Variants in AGBL4 observed in about 807,000 individuals in gnomAD.
The protein encoded by AGBL4 is AGBL carboxypeptidase 4, also known as cytosolic carboxypeptidase 6.
A neutral mutation model predicts 66.4 loss-of-function variants in AGBL4; 58 were observed. The observed-to-expected ratio is 0.87, with a 90% CI of 0.71 to 1.09. AGBL4 has a LOEUF of 1.09. Among genes scored for constraint, AGBL4 ranks in the 50% least tolerant of loss-of-function variants. AGBL4 has a pLI of 0.00. For missense variants in AGBL4, 579 were observed against 631.0 expected (o/e 0.92, Z 0.88); for synonymous variants, 234 against 222.9 (o/e 1.05, Z -0.44).
chr1:49,040,052 C>A (rs916563094), intron 5 of AGBL4, among the ~76,000 whole-genome samples: 1 of 151,910 alleles, frequency 6.6e-6, no homozygotes, highest in African/African-American at 2.4e-5. Flanking sequence ...AAAAGACAGG[C>A]ATGGTTTGGA....
At chr1:48,900,405 T>A (rs998328511) in intron 5 of AGBL4, among the ~76,000 whole-genome samples, 2 of 152,224 alleles carry the variant, frequency 1.3e-5, no homozygotes, top group Non-Finnish European at 2.9e-5. Flanking sequence ...GAAATTCATA[T>A]GAAAATGCAA....
intron 6 of AGBL4, among the ~76,000 whole-genome samples, chr1:48,750,012 G>T (rs1218691633): frequency 2.0e-5 from 3 of 152,194 alleles, no homozygotes. Flanking sequence ...GTGCCTGAGG[G>T]TAGGAGTTAT....
chr1:49,577,661 G>A (rs1380257831), intron 3 of AGBL4, among the ~76,000 whole-genome samples: 3 of 152,206 alleles, frequency 2.0e-5, no homozygotes, highest in Non-Finnish European at 4.4e-5. Flanking sequence ...ATTCCACACA[G>A]CATTGCCTCT....
chr1:49,010,892 A>G (rs1662347594), intron 5 of AGBL4, among the ~76,000 whole-genome samples: 1 of 151,616 alleles, frequency 6.6e-6, no homozygotes, highest in Non-Finnish European at 1.5e-5. Context: ...AGATGGATTA[A>G]AGACTTAAAC....
intron 2 of AGBL4, among the ~76,000 whole-genome samples, chr1:49,817,787 A>T (rs1253687587): frequency 6.6e-6 from 1 of 152,246 alleles, no homozygotes; most frequent in African/African-American, 2.4e-5. Context: ...GCAAGAAAGA[A>T]ATTAATTTGG....
chr1:49,038,698 A>G (rs1232529685), intron 5 of AGBL4, among the ~76,000 whole-genome samples: 1 of 152,094 alleles, frequency 6.6e-6, no homozygotes, highest in Non-Finnish European at 1.5e-5. Context: ...CACTGACAAC[A>G]CTACATGCTG....
chr1:48,570,497 G>A (rs933456225), intron 11 of AGBL4, among the ~76,000 whole-genome samples: 1 of 152,146 alleles, frequency 6.6e-6, no homozygotes, highest in Non-Finnish European at 1.5e-5. Context: ...GCTTGGCTAT[G>A]CCTCATACAA....
intron 11 of AGBL4, among the ~76,000 whole-genome samples, chr1:48,569,722 G>GTT (rs1644529443): frequency 6.6e-6 from 1 of 152,120 alleles, no homozygotes; most frequent in South Asian, 2.1e-4. Context: ...ACAGACCTGG[G>GTT]TTTGCGAATC....
chr1:49,250,440 ATTTTTTT>A (rs1242148895), intron 3 of AGBL4, among the ~76,000 whole-genome samples: 8 of 122,714 alleles, frequency 6.5e-5, no homozygotes, highest in Admixed American at 8.7e-5. Context: ...ACAGGAACTA[ATTTTTTT>A]TTTTTTTTTT....
intron 1 of AGBL4, among the ~76,000 whole-genome samples, chr1:49,969,307 TCCATCA>T (rs1432899699): frequency 5.3e-5 from 8 of 152,118 alleles, no homozygotes; most frequent in African/African-American, 1.9e-4. Context: ...CATAAACATA[TCCATCA>T]CCTCCAAAAG....
At chr1:49,382,704 G>C (rs548882228) in intron 3 of AGBL4, among the ~76,000 whole-genome samples, 6 of 152,186 alleles carry the variant, frequency 3.9e-5, no homozygotes, top group African/African-American at 1.4e-4. Context: ...CATCCAACTT[G>C]TAAAGGAAAA....
intron 2 of AGBL4, among the ~76,000 whole-genome samples, chr1:49,698,351 G>A (rs1647026180): frequency 1.3e-5 from 2 of 152,084 alleles, no homozygotes; most frequent in African/African-American, 4.8e-5. Flanking sequence ...CGTACACAAT[G>A]TATATGAATA....
At chr1:48,800,879 A>G (rs1645790604) in intron 6 of AGBL4, among the ~76,000 whole-genome samples, 1 of 152,052 alleles carries the variant, frequency 6.6e-6, no homozygotes. Flanking sequence ...AAAGCTCCCA[A>G]GAGTTTGTGT....
chr1:48,719,180 C>T (rs1053423284), intron 6 of AGBL4, among the ~76,000 whole-genome samples: 2 of 152,140 alleles, frequency 1.3e-5, no homozygotes, highest in Admixed American at 1.3e-4. Context: ...CCCCCAAACA[C>T]GTTTGATCTC....
rs201803221 is a variant in AGBL4 at position 49,923,866 on chromosome 1, G to A, written c.35-72348C>T. ...AAAAAAGAATGATTCTACAATGTTG[G>A]GGGAAGTGTAACTTAGTTCAACCAT... On this transcript the variant is annotated intron_variant, in intron 1 of 13. Transcript: ENST00000371839. 2.0e-5 allele frequency among the ~76,000 whole-genome samples: 3 copies of A among 152,172 alleles called. No individual in the cohort carries two copies. In the East Asian group the frequency reaches 5.8e-4, roughly 29 times the overall value.
intron 1 of AGBL4, among the ~76,000 whole-genome samples, chr1:49,897,737 T>C (rs753234112): frequency 3.6e-4 from 54 of 151,944 alleles, no homozygotes; most frequent in Non-Finnish European, 7.2e-4. Flanking sequence ...AACAGCATGA[T>C]AATAGCATAA....
At chr1:49,536,035 G>A (rs1237708057) in intron 3 of AGBL4, among the ~76,000 whole-genome samples, 1 of 152,134 alleles carries the variant, frequency 6.6e-6, no homozygotes, top group Non-Finnish European at 1.5e-5. Flanking sequence ...CATTTTTTGA[G>A]TTCCTTTTAG....
chr1:49,585,167 C>T (rs972111856), intron 3 of AGBL4, among the ~76,000 whole-genome samples: 3 of 152,180 alleles, frequency 2.0e-5, no homozygotes, highest in Admixed American at 6.5e-5. Context: ...CAAACTACAG[C>T]GTAGCTCTAC....
chr1:49,846,212 A>G (rs1396614295), intron 2 of AGBL4: 1 of 1,459,336 alleles, frequency 6.9e-7, no homozygotes, highest in Non-Finnish European at 9.6e-7. Context: ...CAGCCAGCAC[A>G]AAAGGACACA....
Sources: gnomAD v4.1 joint callset for allele counts (sites outside exome capture counted in the v4.1 genomes callset) on GRCh38, gnomAD v4.1.1 for gene constraint, MANE v1.5 for transcripts, NCBI Gene and HGNC (gene_info 2026-07-23, HGNC 2026-07-21) for gene names.